Variants in ESR1 observed in about 807,000 individuals in gnomAD.
ESR1 encodes the protein estrogen receptor.
ESR1 carries 12 observed loss-of-function variants against 52.7 expected under a neutral mutation model. The observed-to-expected ratio is 0.23, with a 90% CI of 0.15 to 0.37. ESR1 has a LOEUF of 0.37. ESR1 is among the 10% of genes least tolerant of loss of function. ESR1 has a pLI of 1.00. For missense variants in ESR1, 584 were observed against 779.7 expected (o/e 0.75, Z 2.99); for synonymous variants, 305 against 316.8 (o/e 0.96, Z 0.39).
chr6:151,905,636 T>A (rs969182743), intron 3 of ESR1, among the ~76,000 whole-genome samples: 2 of 152,158 alleles, frequency 1.3e-5, no homozygotes, highest in Admixed American at 1.3e-4. Context: ...TATTTTTTGA[T>A]TAAAAAAAGG....
chr6:151,795,451 G>C (rs1364473487), intron 2 of ESR1, among the ~76,000 whole-genome samples: 2 of 142,578 alleles, frequency 1.4e-5, no homozygotes, highest in Non-Finnish European at 3.0e-5. Flanking sequence ...TCGCACCACT[G>C]CACTCCAGCC....
intron 1 of ESR1, among the ~76,000 whole-genome samples, chr6:151,809,454 G>C (rs1386425970): frequency 2.0e-5 from 3 of 152,230 alleles, no homozygotes; most frequent in Admixed American, 6.5e-5. Context: ...CACAGGACAG[G>C]TGTACCCCGG....
intron 2 of ESR1, among the ~76,000 whole-genome samples, chr6:151,876,952 C>T (rs1455912123): frequency 6.6e-6 from 1 of 151,020 alleles, no homozygotes; most frequent in Non-Finnish European, 1.5e-5. Flanking sequence ...TACATCGAGT[C>T]CTGTCTTTTC....
At chr6:151,915,846 T>TC (rs2029969136) in intron 3 of ESR1, among the ~76,000 whole-genome samples, 1 of 143,284 alleles carries the variant, frequency 7.0e-6, no homozygotes, top group African/African-American at 2.9e-5. Flanking sequence ...CCTTTCTCTC[T>TC]TTCTCTCTCT....
intron 4 of ESR1, among the ~76,000 whole-genome samples, chr6:151,986,141 T>C (rs1399650734): frequency 1.3e-5 from 2 of 152,126 alleles, no homozygotes; most frequent in Non-Finnish European, 2.9e-5. Context: ...ATGGAAGGGA[T>C]GTGACTGTCC....
intron 1 of ESR1, among the ~76,000 whole-genome samples, chr6:151,834,225 TCTA>T (rs1782911930): frequency 1.3e-5 from 2 of 152,148 alleles, no homozygotes; most frequent in Non-Finnish European, 1.5e-5. Context: ...TATAAATCAT[TCTA>T]CTAGAAAGAC....
intron 3 of ESR1, among the ~76,000 whole-genome samples, chr6:151,888,088 G>A (rs1387164048): frequency 1.3e-5 from 2 of 152,108 alleles, no homozygotes; most frequent in Non-Finnish European, 2.9e-5. Flanking sequence ...TATATTTTGA[G>A]TCAGGTAGTG....
chr6:151,665,366 C>T (rs374407999), intron 1 of ESR1, among the ~76,000 whole-genome samples: 11 of 152,260 alleles, frequency 7.2e-5, no homozygotes, highest in African/African-American at 2.4e-4. Context: ...GTCACGACCT[C>T]TAAATCATTG....
chr6:151,995,136 T>C (rs1006070268), intron 4 of ESR1, among the ~76,000 whole-genome samples: 2 of 152,100 alleles, frequency 1.3e-5, no homozygotes, highest in African/African-American at 2.4e-5. Context: ...CTTTGGAAGC[T>C]GACAATCTGC....
At chr6:151,901,829 G>A (rs75983297) in intron 3 of ESR1, among the ~76,000 whole-genome samples, 2 of 152,146 alleles carry the variant, frequency 1.3e-5, no homozygotes, top group African/African-American at 4.8e-5. Context: ...TTCCTTCACA[G>A]GGTCTGTGGA....
chr6:151,741,618 A>G (rs1282114507), intron 2 of ESR1, among the ~76,000 whole-genome samples: 1 of 152,172 alleles, frequency 6.6e-6, no homozygotes, highest in African/African-American at 2.4e-5. Context: ...ATAACATTGT[A>G]TATGTTTAAG....
chr6:151,841,889 G>A lies in ESR1; in HGVS notation c.453-708G>A, dbSNP rs9340797. ...CACCATTCTCAGCTAATTTTTTTAA[G>A]AAGCATTTTTATAGAGATGGAGTCT... is the stretch of plus-strand genomic sequence containing the variant. On this transcript the variant is annotated intron_variant, in intron 1 of 7. Transcript: ENST00000206249. Among the ~76,000 whole-genome samples the A allele has an allele frequency of 1.0e-3, 154 of 152,030 alleles. 2 individuals are homozygous for A. In the South Asian group the frequency reaches 0.016, roughly 15 times the overall value.
chr6:151,995,145 G>T (rs1381246531), intron 4 of ESR1, among the ~76,000 whole-genome samples: 2 of 152,094 alleles, frequency 1.3e-5, no homozygotes, highest in Non-Finnish European at 2.9e-5. Flanking sequence ...CTGACAATCT[G>T]CATGAAAAGC....
chr6:151,702,983 A>G (rs1200953348), intron 2 of ESR1, among the ~76,000 whole-genome samples: 1 of 152,220 alleles, frequency 6.6e-6, no homozygotes, highest in East Asian at 1.9e-4. Context: ...AAGCACAGGA[A>G]GTCTGCACTT....
intron 3 of ESR1, among the ~76,000 whole-genome samples, chr6:151,919,083 A>G (rs2031040085): frequency 2.0e-5 from 3 of 152,294 alleles, no homozygotes; most frequent in Admixed American, 6.5e-5. Context: ...GTGTCCCTTA[A>G]TATGAAGTCC....
intron 4 of ESR1, among the ~76,000 whole-genome samples, chr6:151,959,644 G>T (rs1471898075): frequency 6.6e-6 from 1 of 152,114 alleles, no homozygotes; most frequent in African/African-American, 2.4e-5. Flanking sequence ...TGGTGAATCT[G>T]AGATCTATGC....
rs1485133961 is a variant in ESR1, at chr6:152,103,121, T to C, written c.*4155T>C. On this transcript the variant is annotated 3_prime_UTR_variant, in exon 8 of 8. Coordinates refer to ENST00000206249, the MANE Select transcript of ESR1 (RefSeq NM_000125.4). ...CCCTTTTGCCGATGCATACTATTACTGATGTGACTCGGTTTTGTCGCAGCT... is the reference window on the plus strand; with the variant it reads ...CCCTTTTGCCGATGCATACTATTACCGATGTGACTCGGTTTTGTCGCAGCT... 4.6e-6 allele frequency: 1 copy of C among 216,352 alleles called. No individual in the cohort carries two copies. Among genetic ancestry groups the C allele is most frequent in the Non-Finnish European group, 9.3e-6 (1 of 107,106 alleles). 13.4% of individuals were successfully genotyped at this position (216,352 alleles called of 1,614,324 possible).
At chr6:152,064,929 G>T (rs1272163893) in intron 6 of ESR1, among the ~76,000 whole-genome samples, 4 of 152,190 alleles carry the variant, frequency 2.6e-5, no homozygotes, top group African/African-American at 7.2e-5. Flanking sequence ...GAAAAAGCAA[G>T]ACCCATCTCC....
At chr6:151,831,711 G>A (rs1782450096) in intron 1 of ESR1, among the ~76,000 whole-genome samples, 1 of 152,114 alleles carries the variant, frequency 6.6e-6, no homozygotes, top group African/African-American at 2.4e-5. Flanking sequence ...AAAACAACTG[G>A]TGTTGTAGTA....
Sources: allele counts gnomAD v4.1 joint callset (sites outside exome capture counted in the v4.1 genomes callset), GRCh38; gene constraint gnomAD v4.1.1; transcripts MANE v1.5; gene names NCBI Gene and HGNC (gene_info 2026-07-23, HGNC 2026-07-21).